The following RPGR variants were observed in gnomAD, a reference collection of about 807,000 sequenced individuals.
RPGR encodes the protein X-linked retinitis pigmentosa GTPase regulator.
A neutral mutation model predicts 56.3 loss-of-function variants in RPGR; 10 were observed. The observed-to-expected ratio is 0.18, with a 90% CI of 0.11 to 0.30. RPGR has a LOEUF of 0.30. Among genes scored for constraint, RPGR ranks in the 10% least tolerant of loss-of-function variants. The pLI is 1.00. For synonymous variants in RPGR, 197 were observed against 212.9 expected (o/e 0.93, Z 0.65); for missense variants, 538 against 590.9 (o/e 0.91, Z 0.93).
At chrX:38,283,937 C>T (rs1224987013) in intron 15 of RPGR, among the ~76,000 whole-genome samples, 11 of 111,520 alleles carry the variant, frequency 9.9e-5, no homozygotes, top group Admixed American at 9.5e-4. Flanking sequence ...TTCTACTATC[C>T]CTTAATGAAT....
chrX:38,307,760 C>T (rs1463696431), intron 7 of RPGR, among the ~76,000 whole-genome samples: 1 of 112,001 alleles, frequency 8.9e-6, no homozygotes, highest in Non-Finnish European at 1.9e-5. Context: ...CATAATAAAG[C>T]TCTCACAGGT....
At chrX:38,280,963 G>A (rs750590290) in intron 15 of RPGR, among the ~76,000 whole-genome samples, 2 of 111,871 alleles carry the variant, frequency 1.8e-5, no homozygotes, top group African/African-American at 6.5e-5. Flanking sequence ...TGCCAGTTGT[G>A]ATCTCCAAAT....
intron 1 of RPGR, chrX:38,326,743 C>A (rs1456494906): frequency 9.0e-6 from 1 of 111,226 alleles, no homozygotes; most frequent in African/African-American, 3.3e-5. Context: ...CTGGAGTCCG[C>A]ACTTTGGGGA....
intron 16 of RPGR, among the ~76,000 whole-genome samples, chrX:38,276,271 G>C (rs1297927505): frequency 9.0e-6 from 1 of 111,648 alleles, no homozygotes; most frequent in Non-Finnish European, 1.9e-5. Context: ...TGCACTTTCA[G>C]CATTTCAAGG....
chrX:38,295,084 G>A lies in RPGR; in HGVS notation c.1414+2200C>T, dbSNP rs1383738344. Among the ~76,000 whole-genome samples, 3 of 111,677 alleles carry A rather than the reference G, an allele frequency of 2.7e-5. No homozygotes were observed. In the East Asian group the frequency reaches 8.4e-4, roughly 31 times the overall value. On this transcript the variant is annotated intron_variant, in intron 11 of 18. Transcript: ENST00000642395. ...CATTCATATCACGTAGGTCTCTCAC[G>A]GCCTATAAAACCGTAAATAATTTTT...
At position 38,309,967 on chromosome X, in the gene RPGR, CT is replaced by C. The variant is rs768217646; in HGVS notation, c.778+647del. Among the ~76,000 whole-genome samples the C allele has an allele frequency of 5.6e-4, 62 of 110,923 alleles. 1 individual carries two copies. The East Asian group carries it at 0.016, about 29-fold the overall frequency. On this transcript the variant is annotated intron_variant, in intron 7 of 18. Coordinates refer to ENST00000642395, the MANE Select transcript of RPGR (RefSeq NM_000328.3). ...AAGTACAGGAATAAAGGGTGAGAAT[CT>C]TTTTTTTGTTTGTTTTTCTTTTTGT...
intron 10 of RPGR, among the ~76,000 whole-genome samples, 183 bp downstream of exon 10, chrX:38,298,773 A>T (rs752313067): frequency 4.5e-5 from 5 of 112,264 alleles, no homozygotes; most frequent in African/African-American, 1.6e-4. Flanking sequence ...TAAAAAAAGC[A>T]TTAAGCTTTT....
chrX:38,275,052 T>C, intron 17 of RPGR: 1 of 1,045,007 alleles, frequency 9.6e-7, no homozygotes, highest in Non-Finnish European at 1.3e-6. Context: ...TGTGTATGTA[T>C]GTATGTATAT....
chrX:38,269,736 T>A lies in RPGR; in HGVS notation c.2338A>T (p.Ile780Phe). Reference sequence around the variant, plus strand: ...GCATCTTTATTATCACTTTTTAAAATGATCTGGTCTCCTATGGATTTTATC... The same window carrying A: ...GCATCTTTATTATCACTTTTTAAAAAGATCTGGTCTCCTATGGATTTTATC... The change falls in exon 19 of 19, where the codon ATT becomes TTT. Residue 780 changes from isoleucine to phenylalanine, a missense_variant. Transcript: ENST00000642395. The A allele has an allele frequency of 8.3e-7, 1 of 1,208,326 alleles. No individual in the cohort carries two copies. The highest frequency in any genetic ancestry group is 1.1e-6 in the Non-Finnish European group (1 of 892,464).
Position 38,269,656 on chromosome X carries a change from C to G in RPGR, c.2418G>C (p.Glu806Asp). ...GTATTGTACAGGATTTTGATCTTCT[C>G]TCTGTATTTGTTGGTGGGATATTCT... is the stretch of plus-strand genomic sequence containing the variant. Residue 806 changes from glutamate to aspartate, a missense_variant, in exon 19 of 19, where the codon GAG becomes GAC. By Grantham distance (45) the Glu-to-Asp change is conservative. Coordinates refer to ENST00000642395, the MANE Select transcript of RPGR (RefSeq NM_000328.3). 8.3e-7 allele frequency: 1 copy of G among 1,204,648 alleles called. No homozygotes were observed. Among genetic ancestry groups the G allele is most frequent in the Non-Finnish European group, 1.1e-6 (1 of 889,316 alleles).
At chrX:38,312,384 C>G (rs1235010356) in intron 6 of RPGR, among the ~76,000 whole-genome samples, 3 of 111,178 alleles carry the variant, frequency 2.7e-5, no homozygotes, top group African/African-American at 9.8e-5. Flanking sequence ...TCACCTGGAT[C>G]AAGTTTTCCA....
chrX:38,307,309 C>G (rs2067623145), intron 7 of RPGR, among the ~76,000 whole-genome samples: 1 of 111,920 alleles, frequency 8.9e-6, no homozygotes, highest in Non-Finnish European at 1.9e-5. Flanking sequence ...TCCCTGATCC[C>G]AAGGAGAAAC....
At chrX:38,318,034 G>A (rs1443928991) in intron 5 of RPGR, 1 of 111,312 alleles carries the variant, frequency 9.0e-6, no homozygotes, top group Non-Finnish European at 1.9e-5. Context: ...TCAAAAATAG[G>A]TAACATATAA....
intron 17 of RPGR, among the ~76,000 whole-genome samples, chrX:38,274,810 T>C (rs1428876311): frequency 4.5e-5 from 5 of 111,290 alleles, no homozygotes; most frequent in African/African-American, 1.6e-4. Context: ...AGCGAAACTC[T>C]GTCTCAAAAA....
intron 16 of RPGR, among the ~76,000 whole-genome samples, chrX:38,275,599 G>A (rs1232756283): frequency 9.0e-6 from 1 of 111,551 alleles, no homozygotes; most frequent in African/African-American, 3.3e-5. Context: ...AAGGAGTCTT[G>A]GATAAAGAAG....
chrX:38,284,153 AG>A (rs1355780913), intron 15 of RPGR, among the ~76,000 whole-genome samples: 1 of 111,854 alleles, frequency 8.9e-6, no homozygotes, highest in Non-Finnish European at 1.9e-5. Context: ...CAAAACTCAC[AG>A]GAAGTTTCTC....
At chrX:38,326,059 A>G (rs967141998) in intron 1 of RPGR, 6 of 112,044 alleles carry the variant, frequency 5.4e-5, no homozygotes, top group African/African-American at 2.0e-4. Context: ...AGTTCCAACT[A>G]ATAATTGAGT....
intron 7 of RPGR, among the ~76,000 whole-genome samples, chrX:38,306,379 C>T (rs1335776579): frequency 8.9e-6 from 1 of 112,206 alleles, no homozygotes; most frequent in African/African-American, 3.2e-5. Context: ...TTGTAAAGAA[C>T]ATTTTTCTAA....
intron 17 of RPGR, chrX:38,275,030 C>T: frequency 1.1e-5 from 10 of 941,438 alleles, no homozygotes; most frequent in Non-Finnish European, 1.4e-5. Context: ...GGCATACATA[C>T]ACATATATAT....
Sources: gnomAD v4.1 joint callset for allele counts (sites outside exome capture counted in the v4.1 genomes callset) on GRCh38, gnomAD v4.1.1 for gene constraint, MANE v1.5 for transcripts, NCBI Gene and HGNC (gene_info 2026-07-23, HGNC 2026-07-21) for gene names.